Variants in PCDHGA4 observed in about 807,000 individuals in gnomAD.
PCDHGA4 encodes protocadherin gamma subfamily A, 4.
Under a neutral mutation model 54.6 loss-of-function variants are expected in PCDHGA4, and 38 were observed. The ratio of observed to expected loss-of-function variants is 0.70; its 90% CI spans 0.54 to 0.91. PCDHGA4 has a LOEUF of 0.91. PCDHGA4 is among the 40% of genes least tolerant of loss of function. PCDHGA4 has a pLI of 0.00. For missense variants in PCDHGA4, 1,298 were observed against 1,220.9 expected, an observed-to-expected ratio of 1.06 and a Z score of -0.94; for synonymous variants, 511 against 512.9, an observed-to-expected ratio of 1.00 and a Z score of 0.05.
chr5:141,355,132 G>A lies in PCDHGA4; in HGVS notation c.25G>A (p.Asp9Asn). 6.6e-7 allele frequency: 1 copy of A among 1,519,210 alleles called. No individual in the cohort carries two copies. The highest frequency in any genetic ancestry group is 8.8e-7 in the Non-Finnish European group (1 of 1,136,890). The allele number at this position is 1,519,210 out of a possible 1,614,324, so 94.1% of individuals were successfully genotyped here. MHFILDPEDPGAPQASTEG... is the reference protein window; with the variant it reads MHFILDPENPGAPQASTEG... ...AATGCACTTTATTTTGGACCCAGAA[G>A]ATCCTGGGGCTCCTCAGGCCTCGAC... The change falls in exon 1 of 4, where the codon GAT becomes AAT. Residue 9 changes from aspartate to asparagine, a missense_variant. By Grantham distance (23) the Asp-to-Asn change is conservative. Coordinates refer to ENST00000571252, the MANE Select transcript of PCDHGA4 (RefSeq NM_018917.4).
intron 1 of PCDHGA4, among the ~76,000 whole-genome samples, chr5:141,425,410 A>G (rs1283299220): frequency 2.0e-5 from 3 of 152,240 alleles, no homozygotes; most frequent in African/African-American, 7.2e-5. Flanking sequence ...TTAAGGTATA[A>G]CATATAGTCC....
chr5:141,462,623 T>C (rs992165332), intron 1 of PCDHGA4, among the ~76,000 whole-genome samples: 3 of 150,992 alleles, frequency 2.0e-5, no homozygotes, highest in Non-Finnish European at 4.4e-5. Context: ...CTTTTAGAAG[T>C]TCCATTTGAC....
At chr5:141,369,198 T>C (rs1466766598) in intron 1 of PCDHGA4, among the ~76,000 whole-genome samples, 1 of 152,172 alleles carries the variant, frequency 6.6e-6, no homozygotes, top group Non-Finnish European at 1.5e-5. Flanking sequence ...TATCAGATGG[T>C]AAACTGGGGA....
chr5:141,474,608 T>G (rs1469173973), intron 1 of PCDHGA4, among the ~76,000 whole-genome samples: 1 of 152,268 alleles, frequency 6.6e-6, no homozygotes, highest in Non-Finnish European at 1.5e-5. Flanking sequence ...AGGTCACATA[T>G]GGCTTTTCAT....
Position 141,357,232 on chromosome 5 carries a change from C to T in PCDHGA4, c.2125C>T (p.Leu709Phe), listed in dbSNP as rs753504558. Residue 709 changes from leucine (L) to phenylalanine (F), a missense_variant, in exon 1 of 4, where the codon CTC becomes TTC. Coordinates refer to ENST00000571252, the MANE Select transcript of PCDHGA4 (RefSeq NM_018917.4). ...AGATGTCCTGGCTGACTTGGGCAGCCTCAAGCCTTCAGCAGACCCAGACGA... is the reference window on the plus strand; with the variant it reads ...AGATGTCCTGGCTGACTTGGGCAGCTTCAAGCCTTCAGCAGACCCAGACGA... ...IPDVLADLGS[L>F]KPSADPDDSG... 5 of 1,613,846 alleles carry T rather than the reference C, an allele frequency of 3.1e-6. No homozygotes were observed. The Admixed American group carries it at 8.3e-5, about 27-fold the overall frequency.
intron 1 of PCDHGA4, chr5:141,383,000 C>T (rs1330577304): frequency 6.2e-7 from 1 of 1,613,646 alleles, no homozygotes; most frequent in Non-Finnish European, 8.5e-7. Context: ...ATTCTCTACT[C>T]CGTGTCGGAG....
Position 141,489,805 on chromosome 5 carries a change from A to T in PCDHGA4, c.2515-5002A>T. On this transcript the variant is annotated intron_variant, in intron 1 of 3. Transcript: ENST00000571252. The surrounding 1 kb of genome is among the most constrained non-coding windows in gnomAD (Gnocchi z 4.5). ...GAATGTGAAGACCCTAAAAGATGGG[A>T]AGCCATTCCCAGAGCTGGTGCTAGA... 1 of 1,614,166 alleles carries T rather than the reference A, an allele frequency of 6.2e-7. No individual in the cohort carries two copies. Among genetic ancestry groups the T allele is most frequent in the Non-Finnish European group, 8.5e-7 (1 of 1,180,012 alleles).
At chr5:141,462,314 A>C (rs1283684392) in intron 1 of PCDHGA4, among the ~76,000 whole-genome samples, 1 of 152,186 alleles carries the variant, frequency 6.6e-6, no homozygotes, top group Non-Finnish European at 1.5e-5. Flanking sequence ...TATATTTGTC[A>C]CTGATTTCTA....
chr5:141,375,992 G>A (rs1277276450), intron 1 of PCDHGA4: 9 of 1,613,328 alleles, frequency 5.6e-6, no homozygotes, highest in Admixed American at 1.7e-5. Flanking sequence ...GGACAGAGAC[G>A]CGCTCAAGCA....
intron 1 of PCDHGA4, chr5:141,395,295 T>G: frequency 1.3e-6 from 2 of 1,525,988 alleles, no homozygotes; most frequent in Middle Eastern, 1.8e-4. Flanking sequence ...TGGCATAAAT[T>G]ATGTTTTGAA....
chr5:141,475,852 G>A, intron 1 of PCDHGA4: 1 of 467,402 alleles, frequency 2.1e-6, no homozygotes, highest in East Asian at 3.7e-5. Context: ...AGAGCCCGGC[G>A]CTAGCTCATT....
At chr5:141,449,500 A>G (rs1034917703) in intron 1 of PCDHGA4, among the ~76,000 whole-genome samples, 6 of 151,300 alleles carry the variant, frequency 4.0e-5, no homozygotes, top group African/African-American at 1.5e-4. Flanking sequence ...GAGGCATGAG[A>G]AATGCTTGAA....
chr5:141,479,328 G>A (rs568506786), intron 1 of PCDHGA4: 1 of 152,654 alleles, frequency 6.6e-6, no homozygotes, highest in East Asian at 1.9e-4. Flanking sequence ...CAGACTCAGT[G>A]GTGTGCACCT....
Position 141,487,650 on chromosome 5 carries a change from G to A in PCDHGA4, c.2515-7157G>A. On this transcript the variant is annotated intron_variant, in intron 1 of 3. Transcript: ENST00000571252. The surrounding 1 kb of genome is among the most constrained non-coding windows in gnomAD (Gnocchi z 5.0). ...TTGCAGGCTCAACAAATGCTTGAGGGTTATTCTGATCCAGGCATATGGCTA... is the reference window on the plus strand; with the variant it reads ...TTGCAGGCTCAACAAATGCTTGAGGATTATTCTGATCCAGGCATATGGCTA... 1 of 1,613,994 alleles carries A rather than the reference G, an allele frequency of 6.2e-7. No individual in the cohort carries two copies. Among genetic ancestry groups the A allele is most frequent in the Non-Finnish European group, 8.5e-7 (1 of 1,179,954 alleles).
At chr5:141,377,892 C>T (rs1387473486) in intron 1 of PCDHGA4, 1 of 152,170 alleles carries the variant, frequency 6.6e-6, no homozygotes, top group Non-Finnish European at 1.5e-5. Context: ...TAGGATCCCC[C>T]TCTGTTGCCC....
intron 1 of PCDHGA4, chr5:141,361,414 G>C (rs767003818): frequency 1.2e-6 from 2 of 1,613,876 alleles, no homozygotes; most frequent in East Asian, 2.2e-5. Context: ...AGCCACCGAC[G>C]GGGGCAAGCC....
Position 141,431,954 on chromosome 5 carries a change from G to T in PCDHGA4, c.2515-62853G>T. On this transcript the variant is annotated intron_variant, in intron 1 of 3. Coordinates refer to ENST00000571252, the MANE Select transcript of PCDHGA4 (RefSeq NM_018917.4). The surrounding 1 kb of genome is among the most constrained non-coding windows in gnomAD (Gnocchi z 4.8). Reference sequence around the variant, plus strand: ...GCCCTTTAAATTAGAAAAATCTTACGGAAATTACTATAGTTTAGTCACAGA... The same window carrying T: ...GCCCTTTAAATTAGAAAAATCTTACTGAAATTACTATAGTTTAGTCACAGA... The T allele has an allele frequency of 6.2e-7, 1 of 1,614,110 alleles. No homozygotes were observed. Among genetic ancestry groups the T allele is most frequent in the Non-Finnish European group, 8.5e-7 (1 of 1,180,010 alleles).
intron 1 of PCDHGA4, chr5:141,409,586 G>C: frequency 6.2e-7 from 1 of 1,613,908 alleles, no homozygotes; most frequent in Non-Finnish European, 8.5e-7. Flanking sequence ...GGTCCACGTG[G>C]CCGAGAACAA....
intron 1 of PCDHGA4, among the ~76,000 whole-genome samples, chr5:141,484,092 G>A (rs1594371151): frequency 6.6e-6 from 1 of 152,102 alleles, no homozygotes; most frequent in African/African-American, 2.4e-5. Flanking sequence ...AATGGTCTTC[G>A]TTGGTAATTA....
Sources: allele counts gnomAD v4.1 joint callset (sites outside exome capture counted in the v4.1 genomes callset), GRCh38; gene constraint gnomAD v4.1.1; non-coding constraint Gnocchi (gnomAD v3.1); transcripts MANE v1.5; gene names NCBI Gene and HGNC (gene_info 2026-07-23, HGNC 2026-07-21).